The following LIPA variants were observed in gnomAD, a reference collection of about 807,000 sequenced individuals.
LIPA encodes lysosomal acid lipase/cholesteryl ester hydrolase.
A neutral mutation model predicts 40.6 loss-of-function variants in LIPA; 26 were observed. That is an observed-to-expected ratio of 0.64 (90% CI 0.47 to 0.89). LIPA has a LOEUF of 0.89. Ranked by LOEUF, LIPA falls within the 40% of genes least tolerant of loss-of-function variation. The pLI is 0.00. For synonymous variants in LIPA, 188 were observed against 168.4 expected (o/e 1.12, Z -0.90); for missense variants, 455 against 479.6 (o/e 0.95, Z 0.48).
At chr10:89,366,065 G>C (rs1844054619) in intron 2 of LIPA, among the ~76,000 whole-genome samples, 1 of 152,178 alleles carries the variant, frequency 6.6e-6, no homozygotes, top group South Asian at 2.1e-4. Context: ...TCACGATATT[G>C]ATTCTTCCTA....
At chr10:89,297,151 G>A (rs2133513802) in intron 1 of LIPA, among the ~76,000 whole-genome samples, 1 of 152,294 alleles carries the variant, frequency 6.6e-6, no homozygotes, top group South Asian at 2.1e-4. Context: ...GCTGAGATTG[G>A]CCAGGATAAC....
chr10:89,381,655 G>A (rs1453438424), intron 2 of LIPA, among the ~76,000 whole-genome samples: 1 of 152,200 alleles, frequency 6.6e-6, no homozygotes, highest in African/African-American at 2.4e-5. Flanking sequence ...AAAAGTGAGG[G>A]CTGTGTTGAG....
At chr10:89,329,380 G>A (rs922446443) in intron 1 of LIPA, among the ~76,000 whole-genome samples, 1 of 152,118 alleles carries the variant, frequency 6.6e-6, no homozygotes, top group Non-Finnish European at 1.5e-5. Flanking sequence ...AGAGAGCAAG[G>A]CGTCTTAGTA....
Position 89,319,785 on chromosome 10 carries a change from CT to C in LIPA, c.-2+22825del, listed in dbSNP as rs544389288. Among the ~76,000 whole-genome samples, 20 of 152,284 alleles carry C rather than the reference CT, an allele frequency of 1.3e-4. No homozygotes were observed. In the South Asian group the frequency reaches 3.1e-3, roughly 24 times the overall value. ...AAAAGAGAATATCAGGCCAATACCC[CT>C]GATGAACATCGATGCAATGCAAATA... On this transcript the variant is annotated intron_variant, in intron 1 of 5. Coordinates refer to the LIPA transcript ENST00000282673.
intron 1 of LIPA, chr10:89,338,892 G>C: frequency 1.2e-6 from 2 of 1,614,212 alleles, no homozygotes; most frequent in Non-Finnish European, 1.7e-6. Context: ...AAGCTGAAGA[G>C]TTAATCCAGC....
At chr10:89,371,465 G>A (rs148927096) in intron 2 of LIPA, among the ~76,000 whole-genome samples, 75 of 152,236 alleles carry the variant, frequency 4.9e-4, no homozygotes, top group Middle Eastern at 3.4e-3. Context: ...TTTTCTCTGT[G>A]CTTACACAGC....
chr10:89,252,813 A>AAAG (rs1843148856), upstream of LIPA, among the ~76,000 whole-genome samples: 1 of 151,984 alleles, frequency 6.6e-6, no homozygotes, highest in African/African-American at 2.4e-5. Flanking sequence ...CCCCCAAAAA[A>AAAG]AAAAAAAAAC....
intron 2 of LIPA, among the ~76,000 whole-genome samples, chr10:89,369,465 C>G (rs776958078): frequency 1.3e-5 from 2 of 151,704 alleles, no homozygotes; most frequent in Non-Finnish European, 2.9e-5. Context: ...TGGCAGTGAG[C>G]AGCCAAGAAG....
chr10:89,314,976 C>T (rs1350086468), intron 1 of LIPA, among the ~76,000 whole-genome samples: 1 of 152,168 alleles, frequency 6.6e-6, no homozygotes, highest in Non-Finnish European at 1.5e-5. Flanking sequence ...AATCAGCTCC[C>T]TCACAATGCA....
chr10:89,248,194 C>A lies in LIPA; in HGVS notation c.-1-545G>T, dbSNP rs542723404. ...ATTTTTTTTTTTTTTCGGAGTCTCG[C>A]TCTGTTGCCCAGGCTGGAGTGCAGT... is the stretch of plus-strand genomic sequence containing the variant. On this transcript the variant is annotated intron_variant, in intron 1 of 9. Transcript: ENST00000336233. Among the ~76,000 whole-genome samples, 69 of 150,960 alleles carry A rather than the reference C, an allele frequency of 4.6e-4. 1 individual carries two copies. Among genetic ancestry groups the A allele is most frequent in the African/African-American group, 1.6e-3 (65 of 41,078 alleles).
intron 2 of LIPA, among the ~76,000 whole-genome samples, chr10:89,358,638 G>A (rs2133590566): frequency 6.6e-6 from 1 of 152,298 alleles, no homozygotes; most frequent in African/African-American, 2.4e-5. Flanking sequence ...GGATAGAACT[G>A]GAGGTCATTA....
intron 1 of LIPA, among the ~76,000 whole-genome samples, chr10:89,260,454 T>C (rs975942978): frequency 6.6e-6 from 1 of 152,212 alleles, no homozygotes; most frequent in African/African-American, 2.4e-5. Context: ...ACCTGGCTTA[T>C]GGATGAGAGG....
rs754992517 is a variant in LIPA, at chr10:89,307,320, G to C, written c.-2+35291C>G. On this transcript the variant is annotated intron_variant, in intron 1 of 5. Coordinates refer to the LIPA transcript ENST00000282673. ...CAACAAGCAGATGAAGACTCTGAGAGGGGTTTGGAGTCTGGAAGCCTCATC... is the reference window on the plus strand; with the variant it reads ...CAACAAGCAGATGAAGACTCTGAGACGGGTTTGGAGTCTGGAAGCCTCATC... 5.6e-6 allele frequency: 9 copies of C among 1,612,762 alleles called. 1 individual carries two copies. The highest frequency in any genetic ancestry group is 5.9e-6 in the Non-Finnish European group (7 of 1,179,034).
At chr10:89,298,360 A>G (rs1843427365) in intron 1 of LIPA, among the ~76,000 whole-genome samples, 2 of 152,242 alleles carry the variant, frequency 1.3e-5, no homozygotes, top group African/African-American at 4.8e-5. Context: ...ATGTCACGAT[A>G]GCCTCCAAGA....
intron 1 of LIPA, among the ~76,000 whole-genome samples, chr10:89,310,329 G>A (rs1239504086): frequency 2.0e-5 from 3 of 152,098 alleles, no homozygotes; most frequent in African/African-American, 7.2e-5. Flanking sequence ...CATACCCTAT[G>A]TCAATTGACA....
intron 1 of LIPA, among the ~76,000 whole-genome samples, chr10:89,248,458 TTATTTA>T (rs1843066803): frequency 1.2e-5 from 1 of 85,688 alleles, no homozygotes; most frequent in Non-Finnish European, 2.1e-5. Context: ...ATTTATTTAT[TTATTTA>T]TTTATTTATT....
At chr10:89,412,982 C>A (rs1318875841) in intron 1 of LIPA, 3 of 183,566 alleles carry the variant, frequency 1.6e-5, no homozygotes, top group African/African-American at 7.2e-5. Context: ...CATCACTTAG[C>A]TATACTTCTT....
At chr10:89,347,415 T>G (rs1452842412), upstream of LIPA, among the ~76,000 whole-genome samples, 1 of 152,222 alleles carries the variant, frequency 6.6e-6, no homozygotes, top group Non-Finnish European at 1.5e-5. Flanking sequence ...CTTAGCATAG[T>G]AAGCCACCCA....
chr10:89,377,887 C>T (rs1844133975), intron 2 of LIPA, among the ~76,000 whole-genome samples: 1 of 152,222 alleles, frequency 6.6e-6, no homozygotes, highest in Admixed American at 6.5e-5. Flanking sequence ...GCTTCTCACA[C>T]ACCCATCCTC....
Sources: gnomAD v4.1 joint callset for allele counts (sites outside exome capture counted in the v4.1 genomes callset) on GRCh38, gnomAD v4.1.1 for gene constraint, MANE v1.5 for transcripts, NCBI Gene and HGNC (gene_info 2026-07-23, HGNC 2026-07-21) for gene names.